The following DSCAML1 variants were observed in gnomAD, a reference collection of about 807,000 sequenced individuals.
DSCAML1 encodes the protein cell adhesion molecule DSCAML1.
In DSCAML1, 38 loss-of-function variants were observed where a neutral mutation model predicts 200.5. The ratio of observed to expected loss-of-function variants is 0.19; its 90% CI spans 0.15 to 0.25. The LOEUF (loss-of-function observed/expected upper bound fraction) is 0.25, where lower values mean the gene tolerates loss of function less well. DSCAML1 is among the 10% of genes least tolerant of loss of function. DSCAML1 has a pLI of 1.00. For missense variants in DSCAML1, 2,223 were observed against 2,858.8 expected (o/e 0.78, Z 5.07); for synonymous variants, 1,215 against 1,165.0 (o/e 1.04, Z -0.87).
rs182484106 is a variant in DSCAML1 at position 117,763,685 on chromosome 11, G to A, written c.511+13106C>T. 2.4e-4 allele frequency among the ~76,000 whole-genome samples: 37 copies of A among 151,110 alleles called. 1 individual carries two copies. The East Asian group carries it at 3.6e-3, about 15-fold the overall frequency. On this transcript the variant is annotated intron_variant, in intron 3 of 32. Coordinates refer to ENST00000651296, the MANE Select transcript of DSCAML1 (RefSeq NM_020693.4). ...TTCACTGACACAGCCTCCCTTGCCCGGACCCCAGCTGCCCACTGGGATCAC... is the reference window on the plus strand; with the variant it reads ...TTCACTGACACAGCCTCCCTTGCCCAGACCCCAGCTGCCCACTGGGATCAC...
chr11:117,719,836 G>C (rs1280363461), intron 3 of DSCAML1, among the ~76,000 whole-genome samples: 2 of 152,180 alleles, frequency 1.3e-5, no homozygotes, highest in Non-Finnish European at 2.9e-5. Context: ...GGCGGGCAGA[G>C]CTCTGCCAAA....
intron 3 of DSCAML1, among the ~76,000 whole-genome samples, chr11:117,589,826 C>T (rs556588156): frequency 4.6e-5 from 7 of 152,218 alleles, no homozygotes; most frequent in East Asian, 3.9e-4. Flanking sequence ...CAATGAGGTG[C>T]GGTAGGCAAG....
intron 8 of DSCAML1, among the ~76,000 whole-genome samples, chr11:117,510,150 C>T (rs1294501314): frequency 6.6e-6 from 1 of 152,228 alleles, no homozygotes; most frequent in Admixed American, 6.5e-5. Context: ...TGACCACCAG[C>T]CCAGCTCAGA....
intron 3 of DSCAML1, among the ~76,000 whole-genome samples, chr11:117,542,609 G>C (rs927296893): frequency 6.6e-6 from 1 of 152,200 alleles, no homozygotes; most frequent in Non-Finnish European, 1.5e-5. Flanking sequence ...AGAGATCCAG[G>C]TGAAATATCT....
At chr11:117,757,811 A>G (rs1287071354) in intron 3 of DSCAML1, among the ~76,000 whole-genome samples, 1 of 152,038 alleles carries the variant, frequency 6.6e-6, no homozygotes, top group East Asian at 1.9e-4. Flanking sequence ...ACCAACATGG[A>G]CAAACCCTGT....
At chr11:117,658,009 G>A (rs1463060763) in intron 3 of DSCAML1, among the ~76,000 whole-genome samples, 3 of 152,140 alleles carry the variant, frequency 2.0e-5, no homozygotes, top group Non-Finnish European at 2.9e-5. Flanking sequence ...GCGGGGCTTG[G>A]TCACTGGATG....
intron 1 of DSCAML1, among the ~76,000 whole-genome samples, chr11:117,803,191 C>T (rs548107486): frequency 5.6e-4 from 85 of 151,966 alleles, no homozygotes; most frequent in African/African-American, 2.0e-3. Flanking sequence ...CAGCTCACTG[C>T]GCTTTGTGAC....
At chr11:117,486,799 G>A (rs1014021360) in intron 11 of DSCAML1, among the ~76,000 whole-genome samples, 1 of 151,654 alleles carries the variant, frequency 6.6e-6, no homozygotes, top group Non-Finnish European at 1.5e-5. Flanking sequence ...TGGCCACATG[G>A]GGCTAATGGG....
intron 3 of DSCAML1, among the ~76,000 whole-genome samples, chr11:117,547,023 G>A (rs1449141014): frequency 6.6e-6 from 1 of 152,144 alleles, no homozygotes; most frequent in Admixed American, 6.5e-5. Flanking sequence ...AAATGGATTT[G>A]CTGAGAGAGG....
intron 3 of DSCAML1, among the ~76,000 whole-genome samples, chr11:117,535,057 T>C (rs2050141279): frequency 6.6e-6 from 1 of 152,070 alleles, no homozygotes; most frequent in African/African-American, 2.4e-5. Context: ...GGACCTACCA[T>C]GTGCCAGACA....
chr11:117,747,918 A>ATT (rs1565260800), intron 3 of DSCAML1, among the ~76,000 whole-genome samples: 1 of 152,136 alleles, frequency 6.6e-6, no homozygotes, highest in Non-Finnish European at 1.5e-5. Context: ...TTTACCAGGA[A>ATT]AGGAGCCCTC....
intron 3 of DSCAML1, among the ~76,000 whole-genome samples, chr11:117,702,124 C>G (rs548892834): frequency 6.6e-6 from 1 of 152,166 alleles, no homozygotes; most frequent in Non-Finnish European, 1.5e-5. Flanking sequence ...CCCAGTCCAC[C>G]CTCCTTCCTC....
At chr11:117,654,577 A>G (rs1256712530) in intron 3 of DSCAML1, among the ~76,000 whole-genome samples, 1 of 152,192 alleles carries the variant, frequency 6.6e-6, no homozygotes, top group African/African-American at 2.4e-5. Flanking sequence ...CAGAAGGTAC[A>G]TGAGCACATG....
chr11:117,663,090 C>G (rs928133585), intron 3 of DSCAML1, among the ~76,000 whole-genome samples: 1 of 152,276 alleles, frequency 6.6e-6, no homozygotes, highest in Admixed American at 6.5e-5. Flanking sequence ...ACGCTGAGGC[C>G]CAGAGCAGCA....
In DSCAML1 at chr11:117,699,868, C is replaced by A. The variant is rs1008706186; in HGVS notation, c.511+76923G>T. Reference sequence around the variant, plus strand: ...TGCTGGACATACACATACACTCCACCCAGCCCACTTCCCTCCTGGGCTTGT... The same window carrying A: ...TGCTGGACATACACATACACTCCACACAGCCCACTTCCCTCCTGGGCTTGT... On this transcript the variant is annotated intron_variant, in intron 3 of 32. Transcript: ENST00000651296. 2.6e-5 allele frequency among the ~76,000 whole-genome samples: 4 copies of A among 152,232 alleles called. No individual in the cohort carries two copies. In the South Asian group the frequency reaches 8.3e-4, roughly 31 times the overall value.
At chr11:117,652,907 A>G (rs1041972894) in intron 3 of DSCAML1, among the ~76,000 whole-genome samples, 2 of 152,046 alleles carry the variant, frequency 1.3e-5, no homozygotes, top group South Asian at 2.1e-4. Flanking sequence ...AATTTTCTCA[A>G]TAGGGGATGG....
At chr11:117,512,643 T>TACACACACAC (rs71037481) in intron 8 of DSCAML1, among the ~76,000 whole-genome samples, 11 of 125,236 alleles carry the variant, frequency 8.8e-5, no homozygotes, top group Non-Finnish European at 1.7e-4. Context: ...CAAGCGTGTG[T>TACACACACAC]ACACACACAC....
chr11:117,449,301 C>T (rs2048238923), intron 20 of DSCAML1, among the ~76,000 whole-genome samples: 1 of 151,984 alleles, frequency 6.6e-6, no homozygotes, highest in South Asian at 2.1e-4. Flanking sequence ...TGTGAAAATT[C>T]GCGGAGGTCT....
At chr11:117,577,686 C>T (rs1328510683) in intron 3 of DSCAML1, among the ~76,000 whole-genome samples, 3 of 151,662 alleles carry the variant, frequency 2.0e-5, no homozygotes, top group Non-Finnish European at 4.4e-5. Context: ...CCTGCCTCAG[C>T]CTCCCAAGTA....
Sources: gnomAD v4.1 joint callset for allele counts (sites outside exome capture counted in the v4.1 genomes callset) on GRCh38, gnomAD v4.1.1 for gene constraint, MANE v1.5 for transcripts, NCBI Gene and HGNC (gene_info 2026-07-23, HGNC 2026-07-21) for gene names.